ANO3: variants seen among roughly 807,000 people sequenced by gnomAD.
ANO3 encodes anoctamin-3.
Under a neutral mutation model 144.8 loss-of-function variants are expected in ANO3, and 99 were observed. The ratio of observed to expected loss-of-function variants is 0.68; its 90% CI spans 0.58 to 0.81. The LOEUF (loss-of-function observed/expected upper bound fraction) is 0.81. Among genes scored for constraint, ANO3 ranks in the 30% least tolerant of loss-of-function variants. ANO3 has a pLI of 0.00. For synonymous variants in ANO3, 414 were observed against 392.6 expected (o/e 1.05, Z -0.64); for missense variants, 905 against 1,202.2 (o/e 0.75, Z 3.66).
intron 4 of ANO3, among the ~76,000 whole-genome samples, chr11:26,503,240 C>T (rs186566771): frequency 6.6e-5 from 10 of 152,270 alleles, no homozygotes; most frequent in Admixed American, 3.3e-4. Flanking sequence ...ATCAAATGCA[C>T]TCCACATTGT....
At chr11:26,548,650 C>T (rs427800) in intron 12 of ANO3, among the ~76,000 whole-genome samples, 100,149 of 151,796 alleles carry the variant, frequency 0.66, 33,327 homozygotes, top group East Asian at 0.83. Context: ...AGAATTAAAT[C>T]CTATTCAATA....
At chr11:26,539,598 A>G (rs1229666756) in intron 10 of ANO3, among the ~76,000 whole-genome samples, 1 of 152,142 alleles carries the variant, frequency 6.6e-6, no homozygotes, top group Non-Finnish European at 1.5e-5. Flanking sequence ...TTAGGGAGCC[A>G]GGAGTGGCAT....
At chr11:26,362,625 C>CAACT (rs1358845357) in intron 1 of ANO3, among the ~76,000 whole-genome samples, 1 of 152,128 alleles carries the variant, frequency 6.6e-6, no homozygotes, top group Non-Finnish European at 1.5e-5. Flanking sequence ...ATTATCAGTT[C>CAACT]ATCTTCTAAA....
chr11:26,453,845 G>T (rs1006065257), intron 3 of ANO3, among the ~76,000 whole-genome samples: 6 of 151,942 alleles, frequency 3.9e-5, no homozygotes, highest in African/African-American at 1.5e-4. Context: ...GCACCCCTCA[G>T]CAAATATAAA....
At chr11:26,330,452 C>T (rs1339487821), upstream of ANO3, among the ~76,000 whole-genome samples, 1 of 152,102 alleles carries the variant, frequency 6.6e-6, no homozygotes, top group Non-Finnish European at 1.5e-5. Context: ...TCTTCAATGC[C>T]TGCATACTGA....
At chr11:26,626,093 C>G (rs1439407188) in intron 18 of ANO3, among the ~76,000 whole-genome samples, 3 of 152,190 alleles carry the variant, frequency 2.0e-5, no homozygotes, top group Non-Finnish European at 2.9e-5. Flanking sequence ...GATTCCCAGT[C>G]CTTTGCACAG....
intron 1 of ANO3, among the ~76,000 whole-genome samples, chr11:26,244,710 T>C (rs961015886): frequency 6.6e-6 from 1 of 152,204 alleles, no homozygotes; most frequent in Non-Finnish European, 1.5e-5. Flanking sequence ...GATGAAAATT[T>C]AAGTCCAAAT....
At chr11:26,386,002 C>G (rs1366939868) in intron 1 of ANO3, among the ~76,000 whole-genome samples, 1 of 151,808 alleles carries the variant, frequency 6.6e-6, no homozygotes, top group African/African-American at 2.4e-5. Context: ...CACCCAGTAG[C>G]GACAAGCACA....
chr11:26,574,470 G>C (rs1850936086), intron 14 of ANO3, among the ~76,000 whole-genome samples: 1 of 152,138 alleles, frequency 6.6e-6, no homozygotes, highest in Non-Finnish European at 1.5e-5. Context: ...TATTTAGTCT[G>C]ATACAGGCTA....
At chr11:26,546,904 C>T (rs1027550943) in intron 11 of ANO3, among the ~76,000 whole-genome samples, 1 of 151,742 alleles carries the variant, frequency 6.6e-6, no homozygotes, top group African/African-American at 2.4e-5. Context: ...AGGGTAAGTG[C>T]CATGTGCTTT....
intron 4 of ANO3, among the ~76,000 whole-genome samples, chr11:26,466,414 G>C (rs575889534): frequency 3.3e-5 from 5 of 152,114 alleles, no homozygotes; most frequent in South Asian, 2.1e-4. Flanking sequence ...CCCATCAAGA[G>C]ATAGAGTCTA....
At chr11:26,323,940 T>C (rs541023803) in intron 1 of ANO3, among the ~76,000 whole-genome samples, 2 of 152,340 alleles carry the variant, frequency 1.3e-5, no homozygotes, top group East Asian at 3.9e-4. Flanking sequence ...AGAAACACAG[T>C]AGCTGTGAAA....
intron 1 of ANO3, among the ~76,000 whole-genome samples, chr11:26,227,040 A>G (rs569308802): frequency 4.6e-5 from 7 of 152,128 alleles, no homozygotes; most frequent in African/African-American, 7.2e-5. Flanking sequence ...AACTCTTGTA[A>G]TCATATATTA....
intron 21 of ANO3, among the ~76,000 whole-genome samples, chr11:26,639,976 TGAA>T (rs372061384): frequency 1.1e-3 from 173 of 152,296 alleles, no homozygotes; most frequent in African/African-American, 4.1e-3. Context: ...AGTTGGTTGA[TGAA>T]GTAAGTAGCT....
At chr11:26,475,391 A>G (rs984967793) in intron 4 of ANO3, among the ~76,000 whole-genome samples, 3 of 152,024 alleles carry the variant, frequency 2.0e-5, no homozygotes, top group African/African-American at 7.2e-5. Context: ...TAACTCTATG[A>G]TGGTACATTG....
At chr11:26,298,525 C>T (rs988161101) in intron 1 of ANO3, among the ~76,000 whole-genome samples, 4 of 152,092 alleles carry the variant, frequency 2.6e-5, no homozygotes, top group African/African-American at 7.2e-5. Flanking sequence ...TTGTAGAGCT[C>T]GTTTTCAAAT....
chr11:26,330,128 A>T (rs945789244), upstream of ANO3, among the ~76,000 whole-genome samples: 2 of 152,182 alleles, frequency 1.3e-5, no homozygotes, highest in African/African-American at 4.8e-5. Flanking sequence ...ACTAGTAAGT[A>T]TTGGGTGTTA....
chr11:26,429,264 AG>A (rs1432036454), intron 1 of ANO3, among the ~76,000 whole-genome samples: 1 of 152,212 alleles, frequency 6.6e-6, no homozygotes, highest in African/African-American at 2.4e-5. Context: ...GAACCTGTCC[AG>A]CAAACACACT....
upstream of ANO3, among the ~76,000 whole-genome samples, chr11:26,330,806 A>T (rs759096316): frequency 5.9e-5 from 9 of 152,238 alleles, no homozygotes; most frequent in Non-Finnish European, 8.8e-5. Context: ...GATGAATCAA[A>T]CAGCATACAA....
Sources: allele counts gnomAD v4.1 joint callset (sites outside exome capture counted in the v4.1 genomes callset), GRCh38; gene constraint gnomAD v4.1.1; transcripts MANE v1.5; gene names NCBI Gene and HGNC (gene_info 2026-07-23, HGNC 2026-07-21).